Variants in SYN3 observed in about 807,000 individuals in gnomAD.
SYN3 encodes synapsin-3.
A neutral mutation model predicts 65.8 loss-of-function variants in SYN3; 35 were observed. The ratio of observed to expected loss-of-function variants is 0.53; its 90% CI spans 0.41 to 0.70. The LOEUF (loss-of-function observed/expected upper bound fraction) is 0.70, where lower values mean the gene tolerates loss of function less well. Ranked by LOEUF, SYN3 falls within the 30% of genes least tolerant of loss-of-function variation. The pLI is 0.00. For synonymous variants in SYN3, 270 were observed against 292.9 expected, an observed-to-expected ratio of 0.92 and a Z score of 0.80; for missense variants, 680 against 749.0, an observed-to-expected ratio of 0.91 and a Z score of 1.08.
intron 7 of SYN3, among the ~76,000 whole-genome samples, chr22:32,558,886 G>A (rs116291138): frequency 0.012 from 1,871 of 152,328 alleles, 35 homozygotes; most frequent in African/African-American, 0.043. Flanking sequence ...CCCCACCTCT[G>A]ACTGGAGAGA....
intron 3 of SYN3, among the ~76,000 whole-genome samples, chr22:32,937,339 C>T (rs1169180496): frequency 6.6e-6 from 1 of 152,180 alleles, no homozygotes; most frequent in Non-Finnish European, 1.5e-5. Flanking sequence ...CACCGCTAGG[C>T]TTAACAACAG....
chr22:32,785,237 A>G (rs1453753361), intron 6 of SYN3, among the ~76,000 whole-genome samples: 1 of 152,158 alleles, frequency 6.6e-6, no homozygotes, highest in African/African-American at 2.4e-5. Flanking sequence ...CTCCTAAGTG[A>G]TAGAGCCAGA....
chr22:32,988,322 T>C (rs201295444), intron 2 of SYN3, among the ~76,000 whole-genome samples: 24,535 of 145,298 alleles, frequency 0.17, 2,709 homozygotes, highest in Non-Finnish European at 0.23. Context: ...ATAATAATAA[T>C]AATAATAATA....
In SYN3 at chr22:32,533,837, C is replaced by T. The variant is rs377313114; in HGVS notation, c.1051G>A (p.Val351Ile). The T allele has an allele frequency of 2.5e-5, 40 of 1,613,772 alleles. No homozygotes were observed. The highest frequency in any genetic ancestry group is 4.4e-5 in the South Asian group (4 of 91,070). ...EMFGGLDICAVKAVHSKDGRD... is the reference protein window; with the variant it reads ...EMFGGLDICAIKAVHSKDGRD... The stretch of plus-strand genomic sequence containing the variant: ...CCATCCTTGCTGTGGACAGCCTTGA[C>T]GGCACAGATGTCCAGGCCGCCAAAC... Residue 351 changes from valine to isoleucine, a missense_variant, in exon 10 of 14, where the codon GTC becomes ATC. Physicochemically the swap from Val to Ile is conservative, Grantham distance 29. Coordinates refer to ENST00000358763, the MANE Select transcript of SYN3 (RefSeq NM_003490.4).
intron 6 of SYN3, among the ~76,000 whole-genome samples, chr22:32,665,685 C>T (rs1234253024): frequency 6.6e-6 from 1 of 152,012 alleles, no homozygotes; most frequent in Non-Finnish European, 1.5e-5. Flanking sequence ...TTGCTGGCTG[C>T]CCTCCCTTAG....
intron 5 of SYN3, 90 bp from the exon 6 acceptor site, chr22:32,865,094 T>C (rs1333477379): frequency 1.9e-6 from 2 of 1,057,038 alleles, no homozygotes; most frequent in African/African-American, 1.6e-5. Flanking sequence ...AGCATCTGAC[T>C]GTTCTGAGCC....
rs562969228 is a variant in SYN3 at position 32,715,395 on chromosome 22, G to A, written c.712-118659C>T. Among the ~76,000 whole-genome samples, 7 of 152,176 alleles carry A rather than the reference G, an allele frequency of 4.6e-5. No individual in the cohort carries two copies. The South Asian group carries it at 1.4e-3, about 31-fold the overall frequency. ...CCTCTTGACATCCTATGGCACTGGT[G>A]TTTCCTGAAACACACTTTGGGAATT... On this transcript the variant is annotated intron_variant, in intron 6 of 13. Transcript: ENST00000358763.
At chr22:32,875,472 T>G (rs886426981) in intron 4 of SYN3, among the ~76,000 whole-genome samples, 19 of 152,236 alleles carry the variant, frequency 1.2e-4, no homozygotes, top group African/African-American at 4.6e-4. Flanking sequence ...TGTTATGGGT[T>G]GAACTGTTGC....
intron 4 of SYN3, among the ~76,000 whole-genome samples, chr22:32,911,392 T>C (rs1220403577): frequency 6.6e-6 from 1 of 152,202 alleles, no homozygotes; most frequent in Non-Finnish European, 1.5e-5. Flanking sequence ...GGACACCGTA[T>C]GCCTTTGCGT....
At chr22:32,955,542 CAT>C (rs1331989084) in intron 3 of SYN3, among the ~76,000 whole-genome samples, 8 of 152,160 alleles carry the variant, frequency 5.3e-5, no homozygotes, top group Non-Finnish European at 1.2e-4. Flanking sequence ...TTATATACAA[CAT>C]AAAATTTATC....
At chr22:32,841,917 AGTTGTGCAGATG>A (rs1353797132) in intron 6 of SYN3, among the ~76,000 whole-genome samples, 1 of 152,172 alleles carries the variant, frequency 6.6e-6, no homozygotes, top group African/African-American at 2.4e-5. Context: ...GGGAGCTGTC[AGTTGTGCAGATG>A]GTGCTGAGAC....
chr22:33,045,032 A>G (rs2054035443), intron 1 of SYN3, among the ~76,000 whole-genome samples: 1 of 152,058 alleles, frequency 6.6e-6, no homozygotes, highest in Non-Finnish European at 1.5e-5. Context: ...TAGTAGAGAC[A>G]GGGTTTCTCC....
At chr22:33,016,552 C>T (rs917687933) in intron 1 of SYN3, among the ~76,000 whole-genome samples, 2 of 152,150 alleles carry the variant, frequency 1.3e-5, no homozygotes, top group Non-Finnish European at 2.9e-5. Flanking sequence ...TCTTTACACT[C>T]GCTCCAACAC....
rs1007145943 is a variant in SYN3 at position 32,733,787 on chromosome 22, T to C, written c.711+131128A>G. Among the ~76,000 whole-genome samples, 10 of 152,218 alleles carry C rather than the reference T, an allele frequency of 6.6e-5. No individual in the cohort carries two copies. The East Asian group carries it at 1.5e-3, about 24-fold the overall frequency. On this transcript the variant is annotated intron_variant, in intron 6 of 13. Coordinates refer to ENST00000358763, the MANE Select transcript of SYN3 (RefSeq NM_003490.4). Reference sequence around the variant, plus strand: ...ACATCTCAGATGGGCCCAGCCAGGATGCTGACTGATAAGAGCTGGGGGGTG... The same window carrying C: ...ACATCTCAGATGGGCCCAGCCAGGACGCTGACTGATAAGAGCTGGGGGGTG...
In SYN3 at chr22:32,598,152, T is replaced by G. The variant is rs912790408; in HGVS notation, c.712-1416A>C. Among the ~76,000 whole-genome samples, 10 of 152,268 alleles carry G rather than the reference T, an allele frequency of 6.6e-5. No homozygotes were observed. In the South Asian group the frequency reaches 1.0e-3, roughly 16 times the overall value. The stretch of plus-strand genomic sequence containing the variant: ...TCGGCTGTCCATGGACAGCACTGTC[T>G]GTCCTCTTACACTGTGGGCACCGAA... On this transcript the variant is annotated intron_variant, in intron 6 of 13. Coordinates refer to ENST00000358763, the MANE Select transcript of SYN3 (RefSeq NM_003490.4).
intron 6 of SYN3, among the ~76,000 whole-genome samples, chr22:32,687,158 A>T (rs2060601968): frequency 6.7e-6 from 1 of 149,372 alleles, no homozygotes; most frequent in Non-Finnish European, 1.5e-5. Context: ...TTATTTATTT[A>T]TTTATTTTTA....
At chr22:32,956,158 CTTT>C (rs1362683300) in intron 3 of SYN3, among the ~76,000 whole-genome samples, 3 of 121,054 alleles carry the variant, frequency 2.5e-5, no homozygotes, top group Admixed American at 8.4e-5. Flanking sequence ...CCCCTACTAA[CTTT>C]TTTTTTTTTT....
intron 7 of SYN3, among the ~76,000 whole-genome samples, chr22:32,551,723 CA>C (rs1425918557): frequency 2.0e-5 from 3 of 151,314 alleles, no homozygotes; most frequent in African/African-American, 4.9e-5. Context: ...ACATTAGAGA[CA>C]AAAAAAGAAG....
chr22:32,677,662 G>C (rs910448846), intron 6 of SYN3, among the ~76,000 whole-genome samples: 1 of 152,014 alleles, frequency 6.6e-6, no homozygotes, highest in Non-Finnish European at 1.5e-5. Flanking sequence ...TTAGCCGGTC[G>C]TGGTGGCGGG....
Sources: allele counts gnomAD v4.1 joint callset (sites outside exome capture counted in the v4.1 genomes callset), GRCh38; gene constraint gnomAD v4.1.1; transcripts MANE v1.5; gene names NCBI Gene and HGNC (gene_info 2026-07-23, HGNC 2026-07-21).